Variants in GALNT18 observed in about 807,000 individuals in gnomAD.
GALNT18 encodes the protein polypeptide N-acetylgalactosaminyltransferase 18, also known as GalNAc-transferase 18.
Under a neutral mutation model 69.5 loss-of-function variants are expected in GALNT18, and 44 were observed. The ratio of observed to expected loss-of-function variants is 0.63; its 90% CI spans 0.50 to 0.81. The LOEUF is 0.81. Ranked by LOEUF, GALNT18 falls within the 40% of genes least tolerant of loss-of-function variation. GALNT18 has a pLI of 0.00. For synonymous variants in GALNT18, 364 were observed against 318.2 expected (o/e 1.14, Z -1.53); for missense variants, 715 against 810.0 (o/e 0.88, Z 1.42).
At chr11:11,456,609 A>G (rs1298139700) in intron 1 of GALNT18, among the ~76,000 whole-genome samples, 2 of 152,198 alleles carry the variant, frequency 1.3e-5, no homozygotes, top group Admixed American at 6.5e-5. Context: ...TGTGTTGAGC[A>G]TTCCTGTCAG....
intron 1 of GALNT18, among the ~76,000 whole-genome samples, chr11:11,493,119 G>T (rs1359825102): frequency 1.3e-5 from 2 of 151,818 alleles, no homozygotes; most frequent in African/African-American, 4.8e-5. Flanking sequence ...AAATTAGCCA[G>T]GCATGGTGGT....
intron 1 of GALNT18, among the ~76,000 whole-genome samples, chr11:11,576,202 A>G (rs1858919779): frequency 6.6e-6 from 1 of 152,194 alleles, no homozygotes; most frequent in Non-Finnish European, 1.5e-5. Flanking sequence ...TCCTGCACCA[A>G]CTGCACCTGA....
intron 1 of GALNT18, among the ~76,000 whole-genome samples, chr11:11,517,544 C>T (rs1190586480): frequency 6.6e-6 from 1 of 152,112 alleles, no homozygotes; most frequent in East Asian, 1.9e-4. Flanking sequence ...GTTAGTTATC[C>T]CCAGAAAACT....
At chr11:11,452,468 C>T (rs1010772429) in intron 1 of GALNT18, among the ~76,000 whole-genome samples, 9 of 152,210 alleles carry the variant, frequency 5.9e-5, no homozygotes, top group East Asian at 1.9e-4. Flanking sequence ...CCTATCGGGC[C>T]GCCGGAGTTG....
chr11:11,449,895 G>A (rs1855752587), intron 1 of GALNT18, among the ~76,000 whole-genome samples: 1 of 152,226 alleles, frequency 6.6e-6, no homozygotes, highest in African/African-American at 2.4e-5. Flanking sequence ...CAGAACAAGT[G>A]CACAGCCAAT....
At chr11:11,352,637 A>T in intron 6 of GALNT18, 1 of 1,614,196 alleles carries the variant, frequency 6.2e-7, no homozygotes, top group Non-Finnish European at 8.5e-7. Context: ...CAATCATGAC[A>T]TTATGGGGCT....
At chr11:11,515,670 G>A (rs934844540) in intron 1 of GALNT18, among the ~76,000 whole-genome samples, 13 of 152,216 alleles carry the variant, frequency 8.5e-5, no homozygotes, top group Admixed American at 2.0e-4. Context: ...CTCTGATGGC[G>A]GTGGCCAGGG....
chr11:11,579,431 A>C (rs1348436219), intron 1 of GALNT18, among the ~76,000 whole-genome samples: 1 of 152,196 alleles, frequency 6.6e-6, no homozygotes, highest in Non-Finnish European at 1.5e-5. Flanking sequence ...ATGTGTGTCC[A>C]AATAAACTCC....
intron 6 of GALNT18, among the ~76,000 whole-genome samples, chr11:11,357,209 C>A (rs916706089): frequency 3.3e-5 from 5 of 152,114 alleles, no homozygotes; most frequent in African/African-American, 9.7e-5. Context: ...GAATTTCAGG[C>A]CCTACAGTTC....
intron 10 of GALNT18, among the ~76,000 whole-genome samples, chr11:11,277,093 C>T (rs966793138): frequency 6.6e-6 from 1 of 152,158 alleles, no homozygotes; most frequent in African/African-American, 2.4e-5. Flanking sequence ...ATGGTACCAG[C>T]AACTCTTTGT....
At chr11:11,530,194 G>A (rs528312923) in intron 1 of GALNT18, among the ~76,000 whole-genome samples, 1 of 145,258 alleles carries the variant, frequency 6.9e-6, no homozygotes, top group East Asian at 1.9e-4. Context: ...GCAAATTCCA[G>A]CCCTAAAGCA....
rs1449684351 is a variant in GALNT18, at chr11:11,596,459, G to T, written c.235+24900C>A. Among the ~76,000 whole-genome samples, 1 of 152,078 alleles carries T rather than the reference G, an allele frequency of 6.6e-6. No homozygotes were observed. Among genetic ancestry groups the T allele is most frequent in the Admixed American group, 6.5e-5 (1 of 15,272 alleles). ...TTTTGATAAAGATATCTGAAGTATT[G>T]CCATCTTAACAATATTAAGTCTTGC... On this transcript the variant is annotated intron_variant, in intron 1 of 10. Transcript: ENST00000227756. The surrounding 1 kb of genome is among the most constrained non-coding windows in gnomAD (Gnocchi z 4.2).
intron 6 of GALNT18, among the ~76,000 whole-genome samples, chr11:11,368,661 AT>A (rs1850827273): frequency 6.6e-6 from 1 of 151,898 alleles, no homozygotes; most frequent in South Asian, 2.1e-4. Context: ...TCTTTCTTAC[AT>A]TTTTCATGTT....
intron 6 of GALNT18, among the ~76,000 whole-genome samples, chr11:11,343,205 G>A (rs193185650): frequency 1.5e-4 from 23 of 152,084 alleles, no homozygotes; most frequent in East Asian, 1.4e-3. Context: ...AAAGTTACCC[G>A]GGCGTGGTGG....
intron 9 of GALNT18, among the ~76,000 whole-genome samples, chr11:11,294,604 T>A (rs1401377148): frequency 1.7e-4 from 4 of 23,786 alleles, no homozygotes; most frequent in Non-Finnish European, 2.6e-4. Flanking sequence ...TGCAAACACA[T>A]CCCAGAAAAA....
chr11:11,535,435 G>A (rs1236390051), intron 1 of GALNT18, among the ~76,000 whole-genome samples: 4 of 152,232 alleles, frequency 2.6e-5, no homozygotes, highest in African/African-American at 7.2e-5. Flanking sequence ...GAAGCACATA[G>A]CAAAGTAATA....
intron 1 of GALNT18, among the ~76,000 whole-genome samples, chr11:11,477,596 C>T (rs748612035): frequency 6.6e-6 from 1 of 152,168 alleles, no homozygotes; most frequent in Non-Finnish European, 1.5e-5. Context: ...CAAGCAGGAA[C>T]CTATTCCCCT....
chr11:11,571,427 C>G (rs1470361050), intron 1 of GALNT18, among the ~76,000 whole-genome samples: 1 of 152,200 alleles, frequency 6.6e-6, no homozygotes. Flanking sequence ...TCAAAATTAG[C>G]TCTGCTCTCT....
chr11:11,520,733 G>A (rs751766233), intron 1 of GALNT18, among the ~76,000 whole-genome samples: 25 of 152,156 alleles, frequency 1.6e-4, no homozygotes, highest in Non-Finnish European at 3.4e-4. Context: ...TTAAAGATGG[G>A]GTGGCCTGCA....
Sources: allele counts gnomAD v4.1 joint callset (sites outside exome capture counted in the v4.1 genomes callset), GRCh38; gene constraint gnomAD v4.1.1; non-coding constraint Gnocchi (gnomAD v3.1); transcripts MANE v1.5; gene names NCBI Gene and HGNC (gene_info 2026-07-23, HGNC 2026-07-21).